KIF2A: variants seen among roughly 807,000 people sequenced by gnomAD.
The protein encoded by KIF2A is kinesin family member 2A, also known as kinesin-like protein KIF2A.
A neutral mutation model predicts 100.2 loss-of-function variants in KIF2A; 22 were observed. The observed-to-expected ratio is 0.22, with a 90% confidence interval of 0.16 to 0.31. KIF2A has a LOEUF of 0.31. KIF2A is among the 10% of genes least tolerant of loss of function. The pLI is 1.00. For missense variants in KIF2A, 495 were observed against 898.7 expected (o/e 0.55, Z 5.74); for synonymous variants, 268 against 285.9 (o/e 0.94, Z 0.63).
At chr5:62,336,830 C>T (rs911752882) in intron 1 of KIF2A, among the ~76,000 whole-genome samples, 2 of 152,044 alleles carry the variant, frequency 1.3e-5, no homozygotes, top group African/African-American at 2.4e-5. Flanking sequence ...AAAGACTCAA[C>T]GAAGTCAGGT....
chr5:62,352,925 A>G (rs1580063704), intron 5 of KIF2A: 2 of 441,754 alleles, frequency 4.5e-6, no homozygotes, highest in East Asian at 7.7e-5. Context: ...GTGAAATTAT[A>G]GCAATGTTTC....
intron 20 of KIF2A, among the ~76,000 whole-genome samples, chr5:62,382,092 A>C (rs139843666): frequency 6.6e-6 from 1 of 152,240 alleles, no homozygotes; most frequent in Non-Finnish European, 1.5e-5. Flanking sequence ...TGTACACGCA[A>C]TCCAACATAA....
intron 20 of KIF2A, among the ~76,000 whole-genome samples, chr5:62,382,780 C>T (rs539288247): frequency 6.6e-6 from 1 of 151,212 alleles, no homozygotes; most frequent in African/African-American, 2.4e-5. Context: ...ATTACAGGCA[C>T]GCGCCACAAT....
intron 1 of KIF2A, among the ~76,000 whole-genome samples, chr5:62,307,701 T>C (rs777028468): frequency 6.6e-6 from 1 of 150,672 alleles, no homozygotes; most frequent in Admixed American, 6.6e-5. Flanking sequence ...CACTGCAACC[T>C]CCGCCTCCCG....
intron 15 of KIF2A, 142 bp from the exon 16 acceptor site, chr5:62,366,272 A>G (rs1320792112): frequency 1.6e-6 from 1 of 639,002 alleles, no homozygotes; most frequent in East Asian, 2.8e-5. Flanking sequence ...ATAACAAATA[A>G]TCTTGGAGTT....
intron 4 of KIF2A, among the ~76,000 whole-genome samples, chr5:62,351,586 T>C (rs956845169): frequency 1.3e-5 from 2 of 152,226 alleles, no homozygotes; most frequent in Non-Finnish European, 2.9e-5. Context: ...AAGTATTAAA[T>C]GAGAGATTGG....
intron 18 of KIF2A, among the ~76,000 whole-genome samples, chr5:62,374,510 A>C (rs1741456810): frequency 6.6e-6 from 1 of 152,172 alleles, no homozygotes; most frequent in Admixed American, 6.5e-5. Flanking sequence ...AATATAGGGA[A>C]AAACAACTTC....
chr5:62,365,118 A>G (rs1741004805), intron 14 of KIF2A, 125 bp from the exon 15 acceptor site: 1 of 476,122 alleles, frequency 2.1e-6, no homozygotes, highest in Non-Finnish European at 3.7e-6. Context: ...CTGTTAGTAG[A>G]ATTTTCAAAA....
intron 4 of KIF2A, among the ~76,000 whole-genome samples, chr5:62,351,148 C>A (rs1422910909): frequency 6.6e-6 from 1 of 152,018 alleles, no homozygotes; most frequent in Non-Finnish European, 1.5e-5. Context: ...AGGAGGATCG[C>A]TTGAACCCAG....
At chr5:62,308,517 G>A (rs965750801) in intron 1 of KIF2A, 4 of 707,360 alleles carry the variant, frequency 5.7e-6, no homozygotes, top group Non-Finnish European at 1.0e-5. Flanking sequence ...GATGGGTGAG[G>A]AATGGCTAAA....
chr5:62,346,155 A>C (rs1283872044), intron 1 of KIF2A, among the ~76,000 whole-genome samples: 1 of 152,124 alleles, frequency 6.6e-6, no homozygotes, highest in East Asian at 1.9e-4. Flanking sequence ...ATAATTATTT[A>C]GCTCTGTAGT....
At chr5:62,354,012 C>G (rs1747980153) in intron 6 of KIF2A, among the ~76,000 whole-genome samples, 1 of 151,984 alleles carries the variant, frequency 6.6e-6, no homozygotes, top group Non-Finnish European at 1.5e-5. Flanking sequence ...ATTACATTTT[C>G]AGAACTACTT....
rs763362494 is a variant in KIF2A, at chr5:62,306,429, C to G, written c.-44C>G. 21 of 1,492,630 alleles carry G rather than the reference C, an allele frequency of 1.4e-5. No homozygotes were observed. The highest frequency in any genetic ancestry group is 1.3e-4 in the East Asian group (5 of 39,148). 92.5% of individuals were successfully genotyped at this position (1,492,630 alleles called of 1,614,324 possible). A position where few individuals can be genotyped will look rare whatever the true frequency, so the allele number is the denominator to read the frequency against. ...CCCCCTCCCCGCCTTTTCCGCCCTC[C>G]GGTCCCCCTCCCTCGGCCCGCTGCT... On this transcript the variant is annotated 5_prime_UTR_variant, in exon 1 of 21. Transcript: ENST00000407818.
At chr5:62,318,902 C>T (rs1225002661) in intron 1 of KIF2A, among the ~76,000 whole-genome samples, 1 of 152,152 alleles carries the variant, frequency 6.6e-6, no homozygotes, top group African/African-American at 2.4e-5. Context: ...ACCCATCACC[C>T]CTTCCTCAAG....
intron 1 of KIF2A, among the ~76,000 whole-genome samples, chr5:62,332,520 G>T (rs1163459892): frequency 2.6e-5 from 4 of 151,978 alleles, no homozygotes; most frequent in African/African-American, 9.7e-5. Flanking sequence ...TTTGATTAAA[G>T]ATTATATTTC....
chr5:62,381,084 T>G lies in KIF2A; in HGVS notation c.2014-34T>G, dbSNP rs247254. The G allele has an allele frequency of 0.49, 752,607 of 1,525,622 alleles. 192,161 individuals carry two copies. The highest frequency in any genetic ancestry group is 0.81 in the African/African-American group (58,358 of 72,020). 94.5% of individuals were successfully genotyped at this position (1,525,622 alleles called of 1,614,324 possible). A position where few individuals can be genotyped will look rare whatever the true frequency, so the allele number is the denominator to read the frequency against. Reference sequence around the variant, plus strand: ...TAATTTGGTTTCTGTTGCACAAAGATGCTTATTGGATTATCGAATTTTTGT... The same window carrying G: ...TAATTTGGTTTCTGTTGCACAAAGAGGCTTATTGGATTATCGAATTTTTGT... On this transcript the variant is annotated intron_variant, in intron 19 of 20. Coordinates refer to ENST00000407818, the MANE Select transcript of KIF2A (RefSeq NM_001098511.3).
At chr5:62,368,257 TTTC>T (rs1741169859) in intron 16 of KIF2A, among the ~76,000 whole-genome samples, 1 of 151,948 alleles carries the variant, frequency 6.6e-6, no homozygotes, top group Admixed American at 6.6e-5. Flanking sequence ...GTGGAATACT[TTTC>T]TTGTTTTTTT....
At chr5:62,359,804 T>G (rs372216296) in intron 9 of KIF2A, among the ~76,000 whole-genome samples, 97 of 152,250 alleles carry the variant, frequency 6.4e-4, no homozygotes, top group African/African-American at 2.2e-3. Flanking sequence ...GAGTTACATG[T>G]TTTTTTGTGG....
intron 1 of KIF2A, among the ~76,000 whole-genome samples, chr5:62,313,692 G>A (rs1185725078): frequency 6.6e-6 from 1 of 152,056 alleles, no homozygotes; most frequent in East Asian, 1.9e-4. Context: ...AGCCCTAATA[G>A]CCCTAGTCTG....
Sources: allele counts gnomAD v4.1 joint callset (sites outside exome capture counted in the v4.1 genomes callset), GRCh38; gene constraint gnomAD v4.1.1; transcripts MANE v1.5; gene names NCBI Gene and HGNC (gene_info 2026-07-23, HGNC 2026-07-21).